Variants in GNAZ observed in about 807,000 individuals in gnomAD.
GNAZ encodes guanine nucleotide-binding protein G(z) subunit alpha.
Under a neutral mutation model 25.4 loss-of-function variants are expected in GNAZ, and 3 were observed. The ratio of observed to expected loss-of-function variants is 0.12; its 90% CI spans 0.05 to 0.30. The LOEUF is 0.30. Ranked by LOEUF, GNAZ falls within the 10% of genes least tolerant of loss-of-function variation. GNAZ has a pLI of 1.00. For missense variants in GNAZ, 241 were observed against 501.8 expected, an observed-to-expected ratio of 0.48 and a Z score of 4.97; for synonymous variants, 211 against 205.7, an observed-to-expected ratio of 1.03 and a Z score of -0.22.
In GNAZ at chr22:23,124,529, G is replaced by A. The variant is rs980795373; in HGVS notation, c.*1098G>A. ...TGTTTTTATTTAAGAAAATAAACAC[G>A]ACATATTTAAAGAAGGTTCTTTCAC... On this transcript the variant is annotated 3_prime_UTR_variant, in exon 3 of 3. Transcript: ENST00000615612. 2 of 308,822 alleles carry A rather than the reference G, an allele frequency of 6.5e-6. No homozygotes were observed. Among genetic ancestry groups the A allele is most frequent in the Non-Finnish European group, 1.4e-5 (2 of 138,908 alleles). The allele number at this position is 308,822 out of a possible 1,614,324, so 19.1% of individuals were successfully genotyped here.
At chr22:23,114,791 A>G (rs2046071281) in intron 2 of GNAZ, among the ~76,000 whole-genome samples, 1 of 152,198 alleles carries the variant, frequency 6.6e-6, no homozygotes, top group South Asian at 2.1e-4. Flanking sequence ...CAGCTGCCAC[A>G]CCGGCTCCAG....
Position 23,123,213 on chromosome 22 carries a change from C to T in GNAZ, c.850C>T (p.Leu284Phe). The T allele has an allele frequency of 6.2e-7, 1 of 1,614,144 alleles. No homozygotes were observed. The highest frequency in any genetic ancestry group is 8.5e-7 in the Non-Finnish European group (1 of 1,179,984). ...GGCAGAGAAGATCCGCCGCATCCCG[C>T]TCACCATCTGCTTTCCCGAGTACAA... Reference protein sequence around the residue: ...LLAEKIRRIPLTICFPEYKGQ... With the variant: ...LLAEKIRRIPFTICFPEYKGQ... Residue 284 changes from leucine (L) to phenylalanine (F), a missense_variant, in exon 3 of 3, where the codon CTC becomes TTC. Leu to Phe is a conservative substitution (Grantham distance 22). Transcript: ENST00000615612.
chr22:23,122,188 G>T (rs1326421055), intron 2 of GNAZ, among the ~76,000 whole-genome samples: 1 of 152,218 alleles, frequency 6.6e-6, no homozygotes, highest in East Asian at 1.9e-4. Flanking sequence ...TATTCATTTT[G>T]CAGGGAAGTG....
intron 2 of GNAZ, among the ~76,000 whole-genome samples, chr22:23,119,492 T>C (rs1389726543): frequency 6.6e-6 from 1 of 152,230 alleles, no homozygotes; most frequent in Non-Finnish European, 1.5e-5. Context: ...AAACCCACGA[T>C]GCAGCTCCTG....
chr22:23,107,583 G>A (rs1257122048), intron 2 of GNAZ, among the ~76,000 whole-genome samples: 1 of 152,136 alleles, frequency 6.6e-6, no homozygotes, highest in East Asian at 1.9e-4. Context: ...GTCTGCAGGT[G>A]GCAGCAGCTG....
chr22:23,079,577 GAGA>G (rs1257232293), intron 1 of GNAZ, among the ~76,000 whole-genome samples: 1 of 152,188 alleles, frequency 6.6e-6, no homozygotes, highest in Non-Finnish European at 1.5e-5. Context: ...GAGCAAACAT[GAGA>G]AGGTTTCAAG....
intron 2 of GNAZ, among the ~76,000 whole-genome samples, chr22:23,097,891 G>A (rs1364406021): frequency 3.9e-5 from 6 of 152,272 alleles, no homozygotes; most frequent in African/African-American, 1.2e-4. Flanking sequence ...CACAGTGGCA[G>A]GCGTGGCAAA....
In GNAZ at chr22:23,095,790, G is replaced by A. The variant is rs1339551949; in HGVS notation, c.95G>A (p.Arg32His). The change falls in exon 2 of 3, where the codon CGC becomes CAC. Residue 32 changes from arginine (R) to histidine (H), a missense_variant. Transcript: ENST00000615612. Reference protein sequence around the residue: ...HLRSESQRQRREIKLLLLGTS... With the variant: ...HLRSESQRQRHEIKLLLLGTS... ...CGCTCAGAGAGCCAGCGGCAACGCC[G>A]CGAAATCAAGCTGCTCCTGCTGGGC... 2 of 1,613,322 alleles carry A rather than the reference G, an allele frequency of 1.2e-6. No homozygotes were observed. Among genetic ancestry groups the A allele is most frequent in the Admixed American group, 1.7e-5 (1 of 60,036 alleles).
intron 2 of GNAZ, among the ~76,000 whole-genome samples, chr22:23,121,456 T>G (rs2070021633): frequency 6.6e-6 from 1 of 152,188 alleles, no homozygotes; most frequent in Non-Finnish European, 1.5e-5. Context: ...GGGCCCACCC[T>G]GTAGGAGCAG....
chr22:23,091,601 T>C (rs555616724), intron 1 of GNAZ, among the ~76,000 whole-genome samples: 1 of 150,204 alleles, frequency 6.7e-6, no homozygotes, highest in African/African-American at 2.5e-5. Context: ...CACAGGCACC[T>C]ATGCATACAC....
chr22:23,072,933 G>T (rs1351936044), intron 1 of GNAZ, among the ~76,000 whole-genome samples: 4 of 152,232 alleles, frequency 2.6e-5, no homozygotes, highest in Non-Finnish European at 5.9e-5. Context: ...GAATTTGCAG[G>T]TAACTGGATT....
intron 1 of GNAZ, among the ~76,000 whole-genome samples, chr22:23,085,859 A>G (rs1360555175): frequency 6.6e-6 from 1 of 152,218 alleles, no homozygotes; most frequent in Non-Finnish European, 1.5e-5. Flanking sequence ...ACCCTTCCCC[A>G]GAGGAAGGTA....
At chr22:23,106,352 G>T (rs148106198) in intron 2 of GNAZ, among the ~76,000 whole-genome samples, 1 of 152,226 alleles carries the variant, frequency 6.6e-6, no homozygotes, top group Non-Finnish European at 1.5e-5. Flanking sequence ...CATCCTGGAG[G>T]CTGCACACAG....
intron 1 of GNAZ, among the ~76,000 whole-genome samples, chr22:23,077,451 C>T (rs774732124): frequency 1.3e-5 from 2 of 152,152 alleles, no homozygotes; most frequent in African/African-American, 2.4e-5. Context: ...TCTACAAGGC[C>T]GGGAGCCTCC....
chr22:23,085,543 C>T (rs1252154667), intron 1 of GNAZ, among the ~76,000 whole-genome samples: 1 of 152,202 alleles, frequency 6.6e-6, no homozygotes, highest in Non-Finnish European at 1.5e-5. Flanking sequence ...CTCTGCTGAG[C>T]AGACAAATGG....
chr22:23,111,553 A>G (rs1354431843), intron 2 of GNAZ, among the ~76,000 whole-genome samples: 1 of 152,196 alleles, frequency 6.6e-6, no homozygotes, highest in Admixed American at 6.5e-5. Context: ...AGAGACACCA[A>G]AGCACTCCAG....
At chr22:23,095,014 T>C (rs2069082801) in intron 1 of GNAZ, among the ~76,000 whole-genome samples, 1 of 152,190 alleles carries the variant, frequency 6.6e-6, no homozygotes, top group South Asian at 2.1e-4. Flanking sequence ...CACCCTCCTC[T>C]CCCTCATGCA....
At chr22:23,112,932 C>T (rs546494383) in intron 2 of GNAZ, among the ~76,000 whole-genome samples, 1 of 152,332 alleles carries the variant, frequency 6.6e-6, no homozygotes, top group African/African-American at 2.4e-5. Flanking sequence ...CCATGGAATA[C>T]CAGCCAAGAG....
rs558414159 is a variant in GNAZ at position 23,106,479 on chromosome 22, C to T, written c.723+10061C>T. On this transcript the variant is annotated intron_variant, in intron 2 of 2. Transcript: ENST00000615612. The stretch of plus-strand genomic sequence containing the variant: ...CCTGGCACTGTGGGTGGGGCCCTGG[C>T]CTGGCTGTGGCCCAGGGTAGTCATG... Among the ~76,000 whole-genome samples, 10 of 152,334 alleles carry T rather than the reference C, an allele frequency of 6.6e-5. No homozygotes were observed. The South Asian group carries it at 2.1e-3, about 32-fold the overall frequency.
Sources: allele counts gnomAD v4.1 joint callset (sites outside exome capture counted in the v4.1 genomes callset), GRCh38; gene constraint gnomAD v4.1.1; transcripts MANE v1.5; gene names NCBI Gene and HGNC (gene_info 2026-07-23, HGNC 2026-07-21).